The following TOPORS variants were observed in gnomAD, a reference collection of about 807,000 sequenced individuals.
TOPORS encodes the protein E3 ubiquitin-protein ligase Topors.
In TOPORS, 25 loss-of-function variants were observed where a neutral mutation model predicts 81.4. The ratio of observed to expected loss-of-function variants is 0.31; its 90% CI spans 0.22 to 0.43. The LOEUF (loss-of-function observed/expected upper bound fraction) is 0.43, where lower values mean the gene tolerates loss of function less well. TOPORS is among the 20% of genes least tolerant of loss of function. TOPORS has a pLI of 1.00. For missense variants in TOPORS, 1,101 were observed against 1,267.0 expected (o/e 0.87, Z 1.99); for synonymous variants, 473 against 456.6 (o/e 1.04, Z -0.46).
Position 32,543,440 on chromosome 9 carries a change from G to C in TOPORS, c.1085C>G (p.Pro362Arg). 6.2e-7 allele frequency: 1 copy of C among 1,613,922 alleles called. No homozygotes were observed. The highest frequency in any genetic ancestry group is 2.2e-5 in the East Asian group (1 of 44,880). The change falls in exon 3 of 3, where the codon CCT becomes CGT. Residue 362 changes from proline to arginine, a missense_variant. Around this residue, in one of 9 missense-constraint regions of TOPORS, gnomAD observed 69 missense variants for 153.6 expected, o/e 0.45. Transcript: ENST00000360538. The surrounding 1 kb of genome is among the most constrained non-coding windows in gnomAD (Gnocchi z 5.6). Reference sequence around the variant, plus strand: ...CTGGTCAAAGGCTGCCATGTTAAAAGGAGATCGGGCAAAACTGATAAATTC... The same window carrying C: ...CTGGTCAAAGGCTGCCATGTTAAAACGAGATCGGGCAAAACTGATAAATTC... ...IHEFISFARS[P>R]FNMAAFDQHA...
In TOPORS at chr9:32,552,444, G is replaced by A; in HGVS notation, c.-8C>T. 2.5e-6 allele frequency: 4 copies of A among 1,607,036 alleles called. No homozygotes were observed. The African/African-American group carries it at 5.3e-5, about 21-fold the overall frequency. On this transcript the variant is annotated 5_prime_UTR_variant, in exon 1 of 3. Coordinates refer to ENST00000360538, the MANE Select transcript of TOPORS (RefSeq NM_005802.5). ...CTGCCGCCTCCTTACCATGAAGCCA[G>A]TAAGTCGTCGCACGCTGGACTGGAT... is the stretch of plus-strand genomic sequence containing the variant.
chr9:32,550,543 G>C (rs1357075650), intron 2 of TOPORS, among the ~76,000 whole-genome samples: 1 of 152,206 alleles, frequency 6.6e-6, no homozygotes, highest in Non-Finnish European at 1.5e-5. Context: ...TACACGGCCA[G>C]GCTCGCGCCC....
chr9:32,546,702 G>A (rs1019228134), intron 2 of TOPORS, among the ~76,000 whole-genome samples: 3 of 152,044 alleles, frequency 2.0e-5, no homozygotes, highest in African/African-American at 4.8e-5. Flanking sequence ...TCTCAACAAA[G>A]TATGATTTTT....
chr9:32,551,034 C>G, intron 1 of TOPORS, 66 bp from the exon 2 acceptor site: 1 of 1,554,624 alleles, frequency 6.4e-7, no homozygotes, highest in African/African-American at 1.3e-5. Context: ...GACCCACCCC[C>G]CAGCTCCCGC....
chr9:32,542,326 C>G lies in TOPORS; in HGVS notation c.2199G>C (p.Gln733His). The G allele has an allele frequency of 6.2e-7, 1 of 1,614,152 alleles. No homozygotes were observed. Among genetic ancestry groups the G allele is most frequent in the Non-Finnish European group, 8.5e-7 (1 of 1,180,024 alleles). The change falls in exon 3 of 3, where the codon CAG becomes CAC. Residue 733 changes from glutamine (Q) to histidine (H), a missense_variant. Gln to His is a conservative substitution (Grantham distance 24). Coordinates refer to ENST00000360538, the MANE Select transcript of TOPORS (RefSeq NM_005802.5). ...GAACTCTAAATTCTGGACTTGAAGA[C>G]TGTCTAGAATAATGAGCTCTGGACA... ...RTLSRAHYSR[Q>H]SSSPEFRVQS...
chr9:32,552,157 C>T (rs1821287278), intron 1 of TOPORS: 3 of 514,090 alleles, frequency 5.8e-6, no homozygotes, highest in Non-Finnish European at 1.0e-5. Context: ...TGGAGGTACG[C>T]CTATCTCCTT....
intron 2 of TOPORS, among the ~76,000 whole-genome samples, chr9:32,549,007 C>G (rs922761482): frequency 6.6e-6 from 1 of 152,010 alleles, no homozygotes; most frequent in African/African-American, 2.4e-5. Flanking sequence ...TAAAGTTAGA[C>G]TTACTACAAA....
intron 2 of TOPORS, among the ~76,000 whole-genome samples, chr9:32,549,675 TAAC>T (rs1018430248): frequency 5.9e-5 from 9 of 152,166 alleles, no homozygotes; most frequent in African/African-American, 1.7e-4. Context: ...GGATAGTTTA[TAAC>T]AACAAAATAA....
In TOPORS at chr9:32,550,800, C is replaced by T. The variant is rs1390760759; in HGVS notation, c.172G>A (p.Ala58Thr). Residue 58 changes from alanine to threonine, a missense_variant, in exon 2 of 3, where the codon GCC becomes ACC. Ala to Thr is a moderately conservative substitution (Grantham distance 58, BLOSUM62 0). This residue lies in a region of TOPORS where 131 missense variants were observed against 101.0 expected (regional missense o/e 1.30). Transcript: ENST00000360538. ...TCGGAGGATGCCGGCGCAGGCCTGGCTGGGGCGCTCGCCGCGAGCTCCCGG... is the reference window on the plus strand; with the variant it reads ...TCGGAGGATGCCGGCGCAGGCCTGGTTGGGGCGCTCGCCGCGAGCTCCCGG... ...GCRELAASAP[A>T]RPAPASSEIM... 1.2e-6 allele frequency: 2 copies of T among 1,612,652 alleles called. No individual in the cohort carries two copies. The highest frequency in any genetic ancestry group is 2.2e-5 in the East Asian group (1 of 44,870).
At chr9:32,548,043 G>A (rs1409130349) in intron 2 of TOPORS, among the ~76,000 whole-genome samples, 1 of 143,226 alleles carries the variant, frequency 7.0e-6, no homozygotes, top group African/African-American at 2.6e-5. Flanking sequence ...GTAGAGACGG[G>A]GTTTCACCGT....
chr9:32,552,357 T>C (rs1265217100), intron 1 of TOPORS, 77 bp downstream of exon 1: 6 of 1,575,484 alleles, frequency 3.8e-6, no homozygotes, highest in East Asian at 2.3e-5. Context: ...TGCTGGCGCC[T>C]GGCAGCCACC....
At position 32,541,781 on chromosome 9, in the gene TOPORS, T is replaced by C; in HGVS notation, c.2744A>G (p.Asp915Gly). 6.2e-7 allele frequency: 1 copy of C among 1,614,214 alleles called. No individual in the cohort carries two copies. Among genetic ancestry groups the C allele is most frequent in the Non-Finnish European group, 8.5e-7 (1 of 1,180,032 alleles). The change falls in exon 3 of 3, where the codon GAT becomes GGT. Residue 915 changes from aspartate to glycine, a missense_variant. Transcript: ENST00000360538. ...ATCCTCCTTTACTTCAGAATCCTTA[T>C]CACTGTCACTGTCAATGGTAATTAC... ...PVVITIDSDS[D>G]KDSEVKEDTE...
rs375514604 is a variant in TOPORS at position 32,541,846 on chromosome 9, A to C, written c.2679T>G (p.His893Gln). 1 of 1,614,054 alleles carries C rather than the reference A, an allele frequency of 6.2e-7. No homozygotes were observed. The highest frequency in any genetic ancestry group is 1.3e-5 in the African/African-American group (1 of 75,014). ...KKKKKKHKKK[H>Q]KKHHGDNASR... is the part of the protein sequence containing the mutation. ...AAGCATTATCTCCATGGTGTTTCTT[A>C]TGCTTCTTCTTATGTTTCTTCTTTT... is the stretch of plus-strand genomic sequence containing the variant. Residue 893 changes from histidine to glutamine, a missense_variant, in exon 3 of 3, where the codon CAT becomes CAG. Physicochemically the swap from His to Gln is conservative, Grantham distance 24 (BLOSUM62 0). Transcript: ENST00000360538.
chr9:32,552,459 C>G lies in TOPORS; in HGVS notation c.-23G>C. The G allele has an allele frequency of 6.2e-7, 1 of 1,602,706 alleles. No individual in the cohort carries two copies. The highest frequency in any genetic ancestry group is 8.5e-7 in the Non-Finnish European group (1 of 1,175,048). ...CATGAAGCCAGTAAGTCGTCGCACGCTGGACTGGATTTATTCAGTGGTAAG... is the reference window on the plus strand; with the variant it reads ...CATGAAGCCAGTAAGTCGTCGCACGGTGGACTGGATTTATTCAGTGGTAAG... On this transcript the variant is annotated 5_prime_UTR_variant, in exon 1 of 3. Coordinates refer to ENST00000360538, the MANE Select transcript of TOPORS (RefSeq NM_005802.5).
In TOPORS at chr9:32,541,304, T is replaced by C; in HGVS notation, c.*83A>G. ...GGAAGAGAGTTTTCACCAAATGTCA[T>C]CTTTAAATAGACTGCAGTAGACGAC... On this transcript the variant is annotated 3_prime_UTR_variant, in exon 3 of 3. Transcript: ENST00000360538. 2 of 1,365,970 alleles carry C rather than the reference T, an allele frequency of 1.5e-6. No individual in the cohort carries two copies. Among genetic ancestry groups the C allele is most frequent in the Non-Finnish European group, 2.1e-6 (2 of 970,962 alleles). 84.6% of individuals were successfully genotyped at this position (1,365,970 alleles called of 1,614,324 possible). A position where few individuals can be genotyped will look rare whatever the true frequency, so the allele number is the denominator to read the frequency against.
Position 32,544,225 on chromosome 9 carries a change from A to G in TOPORS, c.300T>C (p.Asp100=), listed in dbSNP as rs768613117. ...QQTVPADASP[D]SKCPICLDRF... is the part of the protein sequence containing the mutation. The stretch of plus-strand genomic sequence containing the variant: ...TATCCAAGCATATAGGACACTTAGA[A>G]TCAGGAGATGCATCAGCTGGTACTG... The change falls in exon 3 of 3, where the codon GAT becomes GAC. Residue 100 remains aspartate, a synonymous_variant. Coordinates refer to ENST00000360538, the MANE Select transcript of TOPORS (RefSeq NM_005802.5). 2 of 1,611,456 alleles carry G rather than the reference A, an allele frequency of 1.2e-6. No individual in the cohort carries two copies.
In TOPORS at chr9:32,542,796, A is replaced by G. The variant is rs535940797; in HGVS notation, c.1729T>C (p.Ser577Pro). Reference sequence around the variant, plus strand: ...GAATATACTCTGTCTCCTCTTACAGATGAGTTCAGGTTTCTGGGAGATGAC... The same window carrying G: ...GAATATACTCTGTCTCCTCTTACAGGTGAGTTCAGGTTTCTGGGAGATGAC... ...SLSSPRNLNSSVRGDRVYSPY... is the reference protein window; with the variant it reads ...SLSSPRNLNSPVRGDRVYSPY... The change falls in exon 3 of 3, where the codon TCT (serine) becomes CCT (proline). Residue 577 changes from serine (S) to proline (P), a missense_variant. By Grantham distance (74) the Ser-to-Pro change is moderately conservative. Transcript: ENST00000360538. 6.2e-7 allele frequency: 1 copy of G among 1,614,010 alleles called. No individual in the cohort carries two copies. Among genetic ancestry groups the G allele is most frequent in the Non-Finnish European group, 8.5e-7 (1 of 1,180,026 alleles).
chr9:32,541,751 T>C lies in TOPORS; in HGVS notation c.2774A>G (p.Glu925Gly), dbSNP rs1821063131. Reference sequence around the variant, plus strand: ...GTCTTGAGGACCACTATTGTCACATTCTGTATCCTCCTTTACTTCAGAATC... The same window carrying C: ...GTCTTGAGGACCACTATTGTCACATCCTGTATCCTCCTTTACTTCAGAATC... The part of the protein sequence containing the change: ...DKDSEVKEDT[E>G]CDNSGPQDPL... Residue 925 changes from glutamate to glycine, a missense_variant, in exon 3 of 3, where the codon GAA (glutamate) becomes GGA (glycine). Physicochemically the swap from Glu to Gly is moderately conservative, Grantham distance 98. Coordinates refer to ENST00000360538, the MANE Select transcript of TOPORS (RefSeq NM_005802.5). The C allele has an allele frequency of 6.2e-7, 1 of 1,614,094 alleles. No homozygotes were observed. The highest frequency in any genetic ancestry group is 8.5e-7 in the Non-Finnish European group (1 of 1,180,040).
rs934707638 is a variant in TOPORS, at chr9:32,540,738, T to C, written c.*649A>G. The C allele has an allele frequency of 6.6e-6, 1 of 152,580 alleles. No homozygotes were observed. The highest frequency in any genetic ancestry group is 2.4e-5 in the African/African-American group (1 of 41,456). The allele number at this position is 152,580 out of a possible 1,614,324, so 9.5% of individuals were successfully genotyped here. A position where few individuals can be genotyped will look rare whatever the true frequency, so the allele number is the denominator to read the frequency against. ...GATTTTAACTTTACTAAAATAAACT[T>C]TAAAAAAAAATACTGCATAGGAAAA... On this transcript the variant is annotated 3_prime_UTR_variant, in exon 3 of 3. Transcript: ENST00000360538.
Sources: allele counts gnomAD v4.1 joint callset (sites outside exome capture counted in the v4.1 genomes callset), GRCh38; gene constraint gnomAD v4.1.1; regional missense constraint gnomAD v4.1.1; non-coding constraint Gnocchi (gnomAD v3.1); transcripts MANE v1.5; gene names NCBI Gene and HGNC (gene_info 2026-07-23, HGNC 2026-07-21).